KIAA1217: variants seen among roughly 807,000 people sequenced by gnomAD.
The protein encoded by KIAA1217 is KIAA1217.
KIAA1217 carries 88 observed loss-of-function variants against 163.9 expected under a neutral mutation model. That is an observed-to-expected ratio of 0.54 (90% CI 0.45 to 0.64). The LOEUF (loss-of-function observed/expected upper bound fraction) is 0.64, where lower values mean the gene tolerates loss of function less well. KIAA1217 is among the 30% of genes least tolerant of loss of function. The pLI, the probability that KIAA1217 is intolerant of heterozygous loss-of-function variation, is 0.00. For missense variants in KIAA1217, 2,372 were observed against 2,475.0 expected (o/e 0.96, Z 0.88); for synonymous variants, 903 against 923.1 (o/e 0.98, Z 0.39).
Position 24,163,654 on chromosome 10 carries a change from C to T in KIAA1217, c.-170-55972C>T, listed in dbSNP as rs760355740. Among the ~76,000 whole-genome samples the T allele has an allele frequency of 2.0e-5, 3 of 152,314 alleles. No homozygotes were observed. The South Asian group carries it at 6.2e-4, about 32-fold the overall frequency. On this transcript the variant is annotated intron_variant, in intron 2 of 18. Coordinates refer to the KIAA1217 transcript ENST00000376462. ...GCATGATGCTTTAAAGTGTAGTACA[C>T]ATATTCTACATATGCAAGTGAATTC...
chr10:24,151,642 C>T lies in KIAA1217; in HGVS notation c.-170-67984C>T, dbSNP rs114893143. ...GAGAATGCTCTCTTAGCTCAAGAAA[C>T]AGTATGGCCGCCTTCTTCCCTGCTG... On this transcript the variant is annotated intron_variant, in intron 2 of 18. Coordinates refer to the KIAA1217 transcript ENST00000376462. 5.7e-3 allele frequency among the ~76,000 whole-genome samples: 860 copies of T among 151,606 alleles called. 8 individuals carry two copies. The highest frequency in any genetic ancestry group is 0.02 in the African/African-American group (813 of 41,250).
intron 8 of KIAA1217, among the ~76,000 whole-genome samples, chr10:24,498,815 C>T (rs1055053768): frequency 1.3e-5 from 2 of 152,076 alleles, no homozygotes; most frequent in African/African-American, 4.8e-5. Context: ...CATGTTAAAA[C>T]AAAAAAATTG....
intron 2 of KIAA1217, among the ~76,000 whole-genome samples, chr10:24,115,441 T>C (rs1049509073): frequency 2.0e-5 from 3 of 152,138 alleles, no homozygotes; most frequent in African/African-American, 7.2e-5. Flanking sequence ...GGTCAGCTAT[T>C]CTGGGAAAAA....
chr10:24,036,891 G>T (rs1044930111), intron 2 of KIAA1217, among the ~76,000 whole-genome samples: 2 of 152,158 alleles, frequency 1.3e-5, no homozygotes, highest in African/African-American at 2.4e-5. Flanking sequence ...AATCAACAGG[G>T]TAAGCACTTA....
chr10:24,248,516 TA>T (rs1405654344), intron 2 of KIAA1217, among the ~76,000 whole-genome samples: 2 of 151,166 alleles, frequency 1.3e-5, no homozygotes, highest in East Asian at 3.9e-4. Context: ...ACTAAAAATA[TA>T]AAAATTAGCC....
intron 1 of KIAA1217, among the ~76,000 whole-genome samples, chr10:23,702,974 C>T (rs1836574827): frequency 1.3e-5 from 2 of 152,204 alleles, no homozygotes; most frequent in South Asian, 4.2e-4. Flanking sequence ...GATCCGCCCG[C>T]CTCGGCCTCC....
intron 2 of KIAA1217, among the ~76,000 whole-genome samples, chr10:24,312,633 A>C (rs1179257178): frequency 6.6e-6 from 1 of 151,528 alleles, no homozygotes; most frequent in Non-Finnish European, 1.5e-5. Context: ...CAAACAAAAA[A>C]AAGGTGGGCA....
intron 2 of KIAA1217, among the ~76,000 whole-genome samples, chr10:24,227,429 G>T (rs1411775437): frequency 6.6e-6 from 1 of 152,070 alleles, no homozygotes; most frequent in Non-Finnish European, 1.5e-5. Context: ...AAAGTGTTGG[G>T]ATTACAGGTG....
At position 24,141,235 on chromosome 10, in the gene KIAA1217, C is replaced by T. The variant is rs878975796; in HGVS notation, c.-170-78391C>T. On this transcript the variant is annotated intron_variant, in intron 2 of 18. Coordinates refer to the KIAA1217 transcript ENST00000376462. ...TCAGAGAAAGAATAAACCCCCCCCCCCCATTTCTCTCTTCTTTCCTTTTCT... is the reference window on the plus strand; with the variant it reads ...TCAGAGAAAGAATAAACCCCCCCCCTCCATTTCTCTCTTCTTTCCTTTTCT... Among the ~76,000 whole-genome samples the T allele has an allele frequency of 6.1e-4, 83 of 135,346 alleles. 2 individuals are homozygous for T. Among genetic ancestry groups the T allele is most frequent in the East Asian group, 3.5e-3 (14 of 4,012 alleles). 88.8% of individuals were successfully genotyped at this position (135,346 alleles called of 152,430 possible). A position where few individuals can be genotyped will look rare whatever the true frequency, so the allele number is the denominator to read the frequency against.
intron 2 of KIAA1217, among the ~76,000 whole-genome samples, chr10:24,066,413 G>T (rs937550277): frequency 6.6e-6 from 1 of 152,116 alleles, no homozygotes; most frequent in Non-Finnish European, 1.5e-5. Context: ...GCTTAGTTTG[G>T]CTGGATATGA....
intron 2 of KIAA1217, among the ~76,000 whole-genome samples, chr10:24,176,067 G>A (rs569763440): frequency 6.6e-6 from 1 of 152,194 alleles, no homozygotes; most frequent in Non-Finnish European, 1.5e-5. Context: ...CCACCCACAT[G>A]CTCCTGATTG....
intron 2 of KIAA1217, among the ~76,000 whole-genome samples, chr10:24,187,449 G>T (rs1235570895): frequency 6.6e-6 from 1 of 152,106 alleles, no homozygotes; most frequent in Non-Finnish European, 1.5e-5. Flanking sequence ...AATATGTTCT[G>T]CACTTTTAAT....
At chr10:24,434,417 A>C (rs559122631) in intron 4 of KIAA1217, among the ~76,000 whole-genome samples, 1 of 152,214 alleles carries the variant, frequency 6.6e-6, no homozygotes, top group Admixed American at 6.5e-5. Context: ...GTCTCAGTGC[A>C]GCCTCGACCT....
chr10:24,361,667 G>T (rs1405668854), intron 2 of KIAA1217, among the ~76,000 whole-genome samples: 1 of 152,022 alleles, frequency 6.6e-6, no homozygotes. Flanking sequence ...TATTTTCTTG[G>T]GTTCTTTATT....
chr10:23,926,957 G>A (rs1046941744), intron 1 of KIAA1217, among the ~76,000 whole-genome samples: 2 of 151,992 alleles, frequency 1.3e-5, no homozygotes, highest in Middle Eastern at 3.4e-3. Context: ...GCCCAGCCTG[G>A]AGTGCAGTCA....
chr10:24,098,761 T>TGTGTGTGTGTGTGTGTG (rs1554865639), intron 2 of KIAA1217, among the ~76,000 whole-genome samples: 8 of 108,456 alleles, frequency 7.4e-5, no homozygotes, highest in East Asian at 2.3e-4. Flanking sequence ...GTGTGTGTGT[T>TGTGTGTGTGTGTGTGTG]AGAGAGAGAC....
intron 2 of KIAA1217, among the ~76,000 whole-genome samples, chr10:24,041,388 T>C (rs556883192): frequency 6.6e-6 from 1 of 152,240 alleles, no homozygotes; most frequent in Admixed American, 6.5e-5. Context: ...TTGAACACAT[T>C]TGATTTTTAC....
intron 1 of KIAA1217, among the ~76,000 whole-genome samples, chr10:23,943,259 C>T (rs1467572245): frequency 6.6e-6 from 1 of 152,108 alleles, no homozygotes; most frequent in African/African-American, 2.4e-5. Flanking sequence ...AAATCCTAAG[C>T]AATGTACAAA....
chr10:24,402,534 A>ACAAAC (rs201578416), intron 3 of KIAA1217, among the ~76,000 whole-genome samples: 3 of 149,830 alleles, frequency 2.0e-5, no homozygotes, highest in African/African-American at 7.4e-5. Flanking sequence ...AAAACAAAAA[A>ACAAAC]AAAAAAAAGG....
Sources: gnomAD v4.1 joint callset for allele counts (sites outside exome capture counted in the v4.1 genomes callset) on GRCh38, gnomAD v4.1.1 for gene constraint, MANE v1.5 for transcripts, NCBI Gene and HGNC (gene_info 2026-07-23, HGNC 2026-07-21) for gene names.